The following SLC38A4 variants were observed in gnomAD, a reference collection of about 807,000 sequenced individuals.
SLC38A4 encodes solute carrier family 38 member 4.
A neutral mutation model predicts 63.1 loss-of-function variants in SLC38A4; 20 were observed. That is an observed-to-expected ratio of 0.32 (90% confidence interval 0.22 to 0.46). The LOEUF (loss-of-function observed/expected upper bound fraction) is 0.46. Among genes scored for constraint, SLC38A4 ranks in the 20% least tolerant of loss-of-function variants. The pLI, the probability that SLC38A4 is intolerant of heterozygous loss-of-function variation, is 1.00. For synonymous variants in SLC38A4, 230 were observed against 225.5 expected (o/e 1.02, Z -0.18); for missense variants, 526 against 663.6 (o/e 0.79, Z 2.28).
rs1938282405 is a variant in SLC38A4, at chr12:46,765,614, A to G, written c.*1087T>C. Reference sequence around the variant, plus strand: ...TACATATGAATGGATTTTCGAGCCCACCAACTTAATTCCCTGCCCCCACCC... The same window carrying G: ...TACATATGAATGGATTTTCGAGCCCGCCAACTTAATTCCCTGCCCCCACCC... On this transcript the variant is annotated 3_prime_UTR_variant, in exon 17 of 17. Transcript: ENST00000266579. 5.4e-6 allele frequency: 1 copy of G among 183,584 alleles called. No homozygotes were observed. Among genetic ancestry groups the G allele is most frequent in the Non-Finnish European group, 1.2e-5 (1 of 85,328 alleles). 11.4% of individuals were successfully genotyped at this position (183,584 alleles called of 1,614,324 possible). A position where few individuals can be genotyped will look rare whatever the true frequency, so the allele number is the denominator to read the frequency against.
chr12:46,776,948 A>G lies in SLC38A4; in HGVS notation c.1130T>C (p.Val377Ala), dbSNP rs762033982. ...VSNISITGML[V>A]MYLLAALFGY... ...AAAGAGGGCGGCAAGCAGGTACATGACAAGCATCCCCGTGATGGAAATATT... is the reference window on the plus strand; with the variant it reads ...AAAGAGGGCGGCAAGCAGGTACATGGCAAGCATCCCCGTGATGGAAATATT... The change falls in exon 13 of 17, where the codon GTC becomes GCC. Residue 377 changes from valine (V) to alanine (A), a missense_variant. Transcript: ENST00000266579. The G allele has an allele frequency of 1.2e-6, 2 of 1,612,144 alleles. No homozygotes were observed. Among genetic ancestry groups the G allele is most frequent in the African/African-American group, 1.3e-5 (1 of 74,772 alleles).
At position 46,779,817 on chromosome 12, in the gene SLC38A4, A is replaced by C. The variant is rs745753937; in HGVS notation, c.621T>G (p.Val207=). ...GGAGCGAAAGTGGAAGAATAATTCC[A>C]ACAGACACAAATATGATGAGGTAGT... ...NGNYLIIFVS[V]GIILPLSLLK... is the part of the protein sequence containing the mutation. Residue 207 remains valine, a synonymous_variant, in exon 9 of 17, where the codon GTT becomes GTG. Transcript: ENST00000266579. 1 of 1,612,136 alleles carries C rather than the reference A, an allele frequency of 6.2e-7. No individual in the cohort carries two copies. The highest frequency in any genetic ancestry group is 8.5e-7 in the Non-Finnish European group (1 of 1,178,990).
chr12:46,824,613 A>T (rs748708292), intron 1 of SLC38A4, among the ~76,000 whole-genome samples: 1 of 152,184 alleles, frequency 6.6e-6, no homozygotes, highest in Non-Finnish European at 1.5e-5. Context: ...ACTTGCATGG[A>T]TCTCAAGAGC....
chr12:46,803,293 C>CAATATTTATATTATATTCAA (rs1414559476), intron 2 of SLC38A4, among the ~76,000 whole-genome samples: 18 of 151,942 alleles, frequency 1.2e-4, no homozygotes, highest in African/African-American at 4.3e-4. Flanking sequence ...CATGATCAAC[C>CAATATTTATATTATATTCAA]TGGAGATATA....
chr12:46,769,163 A>G (rs773535320), intron 15 of SLC38A4, 121 bp downstream of exon 15: 40 of 1,120,392 alleles, frequency 3.6e-5, no homozygotes, highest in Non-Finnish European at 5.1e-5. Context: ...TCTCAGGGAT[A>G]AAGGGAATCC....
rs1247908702 is a variant in SLC38A4, at chr12:46,769,334, T to G, written c.1394A>C (p.Asn465Thr). The G allele has an allele frequency of 6.2e-7, 1 of 1,613,386 alleles. No homozygotes were observed. The highest frequency in any genetic ancestry group is 8.5e-7 in the Non-Finnish European group (1 of 1,179,538). Residue 465 changes from asparagine to threonine, a missense_variant, in exon 15 of 17, where the codon AAT becomes ACT. Coordinates refer to ENST00000266579, the MANE Select transcript of SLC38A4 (RefSeq NM_018018.5). ...LIAAVLIALN[N>T]VLVILVPTIK... Reference sequence around the variant, plus strand: ...AGTTGGCACAAGGATGACCAGAACATTATTAAGTGCAATAAGCACAGCTGC... The same window carrying G: ...AGTTGGCACAAGGATGACCAGAACAGTATTAAGTGCAATAAGCACAGCTGC...
At chr12:46,781,910 T>C (rs1391143167) in intron 7 of SLC38A4, among the ~76,000 whole-genome samples, 1 of 152,034 alleles carries the variant, frequency 6.6e-6, no homozygotes, top group Admixed American at 6.6e-5. Context: ...TCCTATGAAA[T>C]GCTCGATACT....
At chr12:46,791,160 G>A (rs777701548) in intron 3 of SLC38A4, among the ~76,000 whole-genome samples, 3 of 152,154 alleles carry the variant, frequency 2.0e-5, no homozygotes, top group Admixed American at 6.5e-5. Context: ...ACATCCTCAG[G>A]TTTGAATCAA....
At chr12:46,826,829 A>G (rs1939662841), upstream of SLC38A4, among the ~76,000 whole-genome samples, 1 of 152,258 alleles carries the variant, frequency 6.6e-6, no homozygotes, top group Non-Finnish European at 1.5e-5. Flanking sequence ...ACAATTTAAA[A>G]GTATTTGTAT....
chr12:46,779,409 T>TAGTA (rs1938594311), intron 10 of SLC38A4, among the ~76,000 whole-genome samples: 1 of 151,998 alleles, frequency 6.6e-6, no homozygotes, highest in Non-Finnish European at 1.5e-5. Context: ...AAACCATTAG[T>TAGTA]AGTAGCTTTG....
chr12:46,789,609 A>G lies in SLC38A4; in HGVS notation c.120-991T>C, dbSNP rs182322109. 1.5e-3 allele frequency among the ~76,000 whole-genome samples: 226 copies of G among 152,268 alleles called. 1 individual carries two copies. Among genetic ancestry groups the G allele is most frequent in the East Asian group, 1.2e-3 (6 of 5,178 alleles). On this transcript the variant is annotated intron_variant, in intron 3 of 16. Coordinates refer to ENST00000266579, the MANE Select transcript of SLC38A4 (RefSeq NM_018018.5). ...TCAATTAATAAGGCCTGCTGCTGCC[A>G]TTGCATTTTTATACTGCAAAATGTC...
chr12:46,830,298 TCACACACACACACACA>T (rs10597523), upstream of SLC38A4, among the ~76,000 whole-genome samples: 1 of 148,296 alleles, frequency 6.7e-6, no homozygotes, highest in African/African-American at 2.5e-5. Flanking sequence ...TCTCTCTCTC[TCACACACACACACACA>T]CACACACACA....
chr12:46,831,890 A>G (rs1365502624), intron 1 of SLC38A4, among the ~76,000 whole-genome samples: 1 of 152,122 alleles, frequency 6.6e-6, no homozygotes, highest in African/African-American at 2.4e-5. Context: ...CGCAGTCCCA[A>G]TACAACCAAC....
rs1938265515 is a variant in SLC38A4 at position 46,764,923 on chromosome 12, T to A, written c.*1778A>T. 1 of 152,632 alleles carries A rather than the reference T, an allele frequency of 6.6e-6. No homozygotes were observed. The highest frequency in any genetic ancestry group is 2.4e-5 in the African/African-American group (1 of 41,476). The allele number at this position is 152,632 out of a possible 1,614,324, so 9.5% of individuals were successfully genotyped here. On this transcript the variant is annotated 3_prime_UTR_variant, in exon 17 of 17. Transcript: ENST00000266579. ...ATCAGCACAAGCTATCATATGTATGTCTGCCCTGCAGTATATATGAATTTT... is the reference window on the plus strand; with the variant it reads ...ATCAGCACAAGCTATCATATGTATGACTGCCCTGCAGTATATATGAATTTT...
chr12:46,830,115 C>A (rs1033251553), upstream of SLC38A4, among the ~76,000 whole-genome samples: 2 of 152,124 alleles, frequency 1.3e-5, no homozygotes, highest in African/African-American at 2.4e-5. Flanking sequence ...AATCTTCCAG[C>A]CTTTTGTTGC....
chr12:46,812,539 C>T (rs1352700292), intron 1 of SLC38A4, among the ~76,000 whole-genome samples: 1 of 152,034 alleles, frequency 6.6e-6, no homozygotes, highest in African/African-American at 2.4e-5. Flanking sequence ...CTATCAACAA[C>T]TTGGCAAACT....
chr12:46,793,068 C>G lies in SLC38A4; in HGVS notation c.4G>C (p.Asp2His). The G allele has an allele frequency of 1.2e-6, 2 of 1,611,448 alleles. No homozygotes were observed. The highest frequency in any genetic ancestry group is 1.7e-6 in the Non-Finnish European group (2 of 1,177,998). M[D>H]PMELRNVNIE... is the part of the protein sequence containing the mutation. ...TTGACATTTCTCAGTTCCATGGGAT[C>G]CATTTGAGCTGTCAGCGCTTTCTTG... The change falls in exon 3 of 17, where the codon GAT becomes CAT. Residue 2 changes from aspartate to histidine, a missense_variant. Coordinates refer to ENST00000266579, the MANE Select transcript of SLC38A4 (RefSeq NM_018018.5).
At chr12:46,795,909 T>G (rs1402087658) in intron 2 of SLC38A4, among the ~76,000 whole-genome samples, 1 of 139,914 alleles carries the variant, frequency 7.1e-6, no homozygotes, top group Non-Finnish European at 1.5e-5. Context: ...ATACTCAGCA[T>G]GCAGACGGCC....
chr12:46,815,122 T>C (rs929503310), intron 1 of SLC38A4, among the ~76,000 whole-genome samples: 3 of 151,508 alleles, frequency 2.0e-5, no homozygotes, highest in Non-Finnish European at 4.4e-5. Flanking sequence ...AGTTATTCTA[T>C]GTTATGGTTG....
Sources: gnomAD v4.1 joint callset for allele counts (sites outside exome capture counted in the v4.1 genomes callset) on GRCh38, gnomAD v4.1.1 for gene constraint, MANE v1.5 for transcripts, NCBI Gene and HGNC (gene_info 2026-07-23, HGNC 2026-07-21) for gene names.